The following LEPR variants were observed in gnomAD, a reference collection of about 807,000 sequenced individuals.
The protein encoded by LEPR is leptin receptor, also known as OB receptor.
LEPR carries 56 observed loss-of-function variants against 114.7 expected under a neutral mutation model. That is an observed-to-expected ratio of 0.49 (90% CI 0.39 to 0.61). The LOEUF is 0.61. Among genes scored for constraint, LEPR ranks in the 20% least tolerant of loss-of-function variants. The pLI is 0.00. For missense variants in LEPR, 1,202 were observed against 1,352.9 expected, an observed-to-expected ratio of 0.89 and a Z score of 1.75; for synonymous variants, 443 against 461.4, an observed-to-expected ratio of 0.96 and a Z score of 0.51.
rs1646529639 is a variant in LEPR at position 65,434,377 on chromosome 1, G to A, written c.-21+8999G>A. 20 of 985,176 alleles carry A rather than the reference G, an allele frequency of 2.0e-5. No homozygotes were observed. In the South Asian group the frequency reaches 7.0e-4, roughly 35 times the overall value. The allele number at this position is 985,176 out of a possible 1,614,324, so 61.0% of individuals were successfully genotyped here. On this transcript the variant is annotated intron_variant, in intron 2 of 19. Coordinates refer to ENST00000349533, the MANE Select transcript of LEPR (RefSeq NM_002303.6). ...GATTCAGAGCATAGTGACTATAGTC[G>A]AAAACTGAGATTGCACTTCCAAAAT...
chr1:65,530,663 T>G (rs904822401), intron 2 of LEPR, among the ~76,000 whole-genome samples: 1 of 152,196 alleles, frequency 6.6e-6, no homozygotes, highest in African/African-American at 2.4e-5. Flanking sequence ...GTCATCATCT[T>G]GATTTTGGTG....
chr1:65,507,064 T>C (rs1293515691), intron 2 of LEPR, among the ~76,000 whole-genome samples: 2 of 152,164 alleles, frequency 1.3e-5, no homozygotes, highest in African/African-American at 4.8e-5. Context: ...TATTTCATTT[T>C]TTTTGAGACC....
At chr1:65,518,580 C>A (rs528117021) in intron 2 of LEPR, among the ~76,000 whole-genome samples, 1 of 152,164 alleles carries the variant, frequency 6.6e-6, no homozygotes, top group Admixed American at 6.5e-5. Context: ...TTGGTTTCAC[C>A]GTTCTTTCCC....
chr1:65,481,019 G>C (rs1405544495), intron 2 of LEPR, among the ~76,000 whole-genome samples: 1 of 152,170 alleles, frequency 6.6e-6, no homozygotes, highest in Non-Finnish European at 1.5e-5. Flanking sequence ...CACAGCTTTG[G>C]AGGCTAGAAG....
At chr1:65,426,719 C>G (rs953664008) in intron 2 of LEPR, among the ~76,000 whole-genome samples, 1 of 152,130 alleles carries the variant, frequency 6.6e-6, no homozygotes, top group Non-Finnish European at 1.5e-5. Flanking sequence ...TGTGATTAGG[C>G]CAGGCACCAT....
At chr1:65,429,062 G>A (rs1195886405) in intron 2 of LEPR, among the ~76,000 whole-genome samples, 3 of 152,116 alleles carry the variant, frequency 2.0e-5, no homozygotes, top group African/African-American at 7.2e-5. Context: ...GAGATAAATG[G>A]CGTTTGATCA....
intron 2 of LEPR, among the ~76,000 whole-genome samples, chr1:65,547,468 A>G (rs1018515066): frequency 6.6e-6 from 1 of 151,732 alleles, no homozygotes; most frequent in African/African-American, 2.4e-5. Flanking sequence ...GCTATTGATT[A>G]TTGCCACAAT....
At chr1:65,426,976 G>A (rs533064559) in intron 2 of LEPR, among the ~76,000 whole-genome samples, 23 of 149,300 alleles carry the variant, frequency 1.5e-4, no homozygotes, top group East Asian at 6.3e-4. Context: ...CTAGCCTGGC[G>A]ACAGAGCAAG....
intron 2 of LEPR, among the ~76,000 whole-genome samples, chr1:65,504,010 G>A (rs1648597409): frequency 6.6e-6 from 1 of 152,086 alleles, no homozygotes. Context: ...AAAGAAAGAA[G>A]TACTTAATAC....
chr1:65,496,945 T>C (rs987492263), intron 2 of LEPR, among the ~76,000 whole-genome samples: 4 of 151,972 alleles, frequency 2.6e-5, no homozygotes, highest in Admixed American at 2.6e-4. Context: ...GTGATTCATG[T>C]GCACATCCAA....
intron 14 of LEPR, among the ~76,000 whole-genome samples, chr1:65,612,097 C>A (rs1657213340): frequency 1.3e-5 from 2 of 152,158 alleles, no homozygotes; most frequent in Non-Finnish European, 2.9e-5. Context: ...TTACGGTTCT[C>A]CAAGCCTATG....
intron 2 of LEPR, among the ~76,000 whole-genome samples, chr1:65,483,638 A>T (rs908321220): frequency 7.2e-5 from 11 of 152,090 alleles, no homozygotes; most frequent in African/African-American, 2.4e-4. Context: ...TGCTTCTCTA[A>T]TCTCACTTGT....
Position 65,420,838 on chromosome 1 carries a change from G to A in LEPR, c.-97+98G>A, listed in dbSNP as rs1442017013. On this transcript the variant is annotated intron_variant, in intron 1 of 19. Coordinates refer to ENST00000349533, the MANE Select transcript of LEPR (RefSeq NM_002303.6). ...CGCCTTCCGCGCGCCGTTGGGGAAC[G>A]GCCTCACCACCCTTCCCGCCTCTCC... The A allele has an allele frequency of 9.8e-6, 14 of 1,422,942 alleles. No homozygotes were observed. The East Asian group carries it at 2.1e-4, about 21-fold the overall frequency. The allele number at this position is 1,422,942 out of a possible 1,614,324, so 88.1% of individuals were successfully genotyped here. A position where few individuals can be genotyped will look rare whatever the true frequency, so the allele number is the denominator to read the frequency against.
chr1:65,430,877 C>T (rs983089859), intron 2 of LEPR, among the ~76,000 whole-genome samples: 10 of 152,214 alleles, frequency 6.6e-5, no homozygotes, highest in African/African-American at 1.2e-4. Context: ...AGAGAAATTC[C>T]GACTGGCATT....
At chr1:65,503,945 C>T (rs528778527) in intron 2 of LEPR, among the ~76,000 whole-genome samples, 31 of 152,052 alleles carry the variant, frequency 2.0e-4, no homozygotes, top group Middle Eastern at 3.4e-3. Context: ...CTTAGAGAGA[C>T]GGCTGATTCT....
At chr1:65,473,209 C>T (rs1390171763) in intron 2 of LEPR, among the ~76,000 whole-genome samples, 1 of 152,184 alleles carries the variant, frequency 6.6e-6, no homozygotes, top group Admixed American at 6.5e-5. Context: ...TCATCCTGCA[C>T]ATTTTACAGG....
intron 2 of LEPR, among the ~76,000 whole-genome samples, chr1:65,437,624 G>T (rs560189163): frequency 1.6e-4 from 24 of 151,828 alleles, no homozygotes; most frequent in Non-Finnish European, 2.9e-4. Context: ...TAGCCTAGGC[G>T]ACAGAGGGAG....
chr1:65,446,588 A>G (rs2100303746), intron 2 of LEPR, among the ~76,000 whole-genome samples: 1 of 152,320 alleles, frequency 6.6e-6, no homozygotes, highest in East Asian at 1.9e-4. Flanking sequence ...TAAAATGTCT[A>G]TAGAAATTAT....
At chr1:65,636,092 TTTA>T in intron 19 of LEPR, 96 bp from the exon 20 acceptor site, 1 of 1,369,374 alleles carries the variant, frequency 7.3e-7, no homozygotes, top group Middle Eastern at 2.0e-4. Context: ...ACTTATGTTC[TTTA>T]TTATTAACTT....
Sources: allele counts gnomAD v4.1 joint callset (sites outside exome capture counted in the v4.1 genomes callset), GRCh38; gene constraint gnomAD v4.1.1; transcripts MANE v1.5; gene names NCBI Gene and HGNC (gene_info 2026-07-23, HGNC 2026-07-21).